Variants in PFDN1 observed in about 807,000 individuals in gnomAD.
The protein encoded by PFDN1 is prefoldin 1.
In PFDN1, 6 loss-of-function variants were observed where a neutral mutation model predicts 17.3. The observed-to-expected ratio is 0.35, with a 90% CI of 0.19 to 0.69. The LOEUF (loss-of-function observed/expected upper bound fraction) is 0.69. PFDN1 is among the 30% of genes least tolerant of loss of function. The pLI is 0.65. For synonymous variants in PFDN1, 58 were observed against 50.1 expected, an observed-to-expected ratio of 1.16 and a Z score of -0.67; for missense variants, 113 against 146.2, an observed-to-expected ratio of 0.77 and a Z score of 1.17.
chr5:140,293,635 C>G (rs903579182), intron 2 of PFDN1, among the ~76,000 whole-genome samples: 6 of 151,974 alleles, frequency 3.9e-5, no homozygotes, highest in African/African-American at 1.4e-4. Flanking sequence ...GCAGAAGAAA[C>G]AGGACTATGT....
At chr5:140,264,250 C>T (rs933615372) in intron 3 of PFDN1, among the ~76,000 whole-genome samples, 1 of 151,908 alleles carries the variant, frequency 6.6e-6, no homozygotes, top group African/African-American at 2.4e-5. Flanking sequence ...CACCTCCCAC[C>T]AGACCCCACC....
chr5:140,256,233 G>A (rs114729940), intron 3 of PFDN1, among the ~76,000 whole-genome samples: 6 of 151,996 alleles, frequency 3.9e-5, no homozygotes, highest in South Asian at 4.2e-4. Flanking sequence ...CTCTCATCTC[G>A]GCCAGGTGTG....
chr5:140,299,007 T>C (rs1765695395), intron 2 of PFDN1, among the ~76,000 whole-genome samples: 1 of 152,142 alleles, frequency 6.6e-6, no homozygotes, highest in East Asian at 1.9e-4. Flanking sequence ...CACCTTGGCC[T>C]CCTGCAGTGC....
intron 3 of PFDN1, among the ~76,000 whole-genome samples, chr5:140,272,920 A>T (rs755043173): frequency 6.6e-6 from 1 of 152,224 alleles, no homozygotes; most frequent in Non-Finnish European, 1.5e-5. Flanking sequence ...TTAATGGATT[A>T]TAAACTTAGA....
intron 3 of PFDN1, among the ~76,000 whole-genome samples, chr5:140,255,326 C>T (rs1581082096): frequency 1.3e-5 from 2 of 152,190 alleles, no homozygotes; most frequent in East Asian, 1.9e-4. Context: ...AAATACAACC[C>T]TGCACTTTGG....
In PFDN1 at chr5:140,252,229, G is replaced by C. The variant is rs1010066989; in HGVS notation, c.286-6172C>G. On this transcript the variant is annotated intron_variant, in intron 3 of 3. Transcript: ENST00000261813. ...AGGTTAAATGGAGCTCAGAGGAGAG[G>C]GGAGACATACTATGGATGTATACGG... 2.0e-5 allele frequency among the ~76,000 whole-genome samples: 3 copies of C among 152,094 alleles called. No homozygotes were observed. The East Asian group carries it at 5.8e-4, about 29-fold the overall frequency.
chr5:140,274,752 G>A (rs113082851), intron 3 of PFDN1, among the ~76,000 whole-genome samples: 17 of 152,336 alleles, frequency 1.1e-4, no homozygotes, highest in African/African-American at 3.6e-4. Context: ...GCTCACGCTT[G>A]TAATCCTAGC....
In PFDN1 at chr5:140,281,551, G is replaced by A; in HGVS notation, c.201-18C>T. 2 of 1,362,922 alleles carry A rather than the reference G, an allele frequency of 1.5e-6. No individual in the cohort carries two copies. Among genetic ancestry groups the A allele is most frequent in the Non-Finnish European group, 2.1e-6 (2 of 953,594 alleles). The allele number at this position is 1,362,922 out of a possible 1,614,324, so 84.4% of individuals were successfully genotyped here. A position where few individuals can be genotyped will look rare whatever the true frequency, so the allele number is the denominator to read the frequency against. ...GAATAAACCTATGAAACACAAGAAA[G>A]TTGAAAATTAAGCCACATGACTATT... On this transcript the variant is annotated intron_variant, in intron 2 of 3. Coordinates refer to ENST00000261813, the MANE Select transcript of PFDN1 (RefSeq NM_002622.5).
At chr5:140,294,160 G>A (rs1305641451) in intron 2 of PFDN1, among the ~76,000 whole-genome samples, 3 of 151,972 alleles carry the variant, frequency 2.0e-5, no homozygotes, top group Non-Finnish European at 1.5e-5. Context: ...TTTGCAATGT[G>A]ACTCTCACAC....
chr5:140,263,094 C>A (rs188716637), intron 3 of PFDN1, among the ~76,000 whole-genome samples: 12 of 152,326 alleles, frequency 7.9e-5, no homozygotes, highest in Admixed American at 7.8e-4. Flanking sequence ...TTATCCTCAC[C>A]TCCAGCTTTA....
At chr5:140,278,557 C>CAAAAAAAAAAAAAAAAAAAA (rs113129230) in intron 3 of PFDN1, among the ~76,000 whole-genome samples, 19 of 79,014 alleles carry the variant, frequency 2.4e-4, no homozygotes, top group East Asian at 4.8e-4. Context: ...GACTCTGTCT[C>CAAAAAAAAAAAAAAAAAAAA]AAAAAAAAAA....
At chr5:140,289,112 C>T (rs551019622) in intron 2 of PFDN1, among the ~76,000 whole-genome samples, 15 of 152,144 alleles carry the variant, frequency 9.9e-5, no homozygotes, top group African/African-American at 3.6e-4. Flanking sequence ...ATGACAAACT[C>T]CCATCTATAC....
rs550593500 is a variant in PFDN1, at chr5:140,270,865, G to A, written c.285+10584C>T. The stretch of plus-strand genomic sequence containing the variant: ...GGTGTGAACCTGGGAGGTGGAGCTT[G>A]CAGTGAGCCAAGATTGCGCCACTGC... On this transcript the variant is annotated intron_variant, in intron 3 of 3. Transcript: ENST00000261813. Among the ~76,000 whole-genome samples, 138 of 152,210 alleles carry A rather than the reference G, an allele frequency of 9.1e-4. 1 individual carries two copies. Among genetic ancestry groups the A allele is most frequent in the Admixed American group, 6.3e-3 (96 of 15,284 alleles).
At chr5:140,276,737 C>T (rs1581091055) in intron 3 of PFDN1, among the ~76,000 whole-genome samples, 2 of 132,158 alleles carry the variant, frequency 1.5e-5, no homozygotes, top group South Asian at 4.9e-4. Context: ...GCCAAGATAG[C>T]GCCACTGCAC....
chr5:140,270,653 C>T (rs113813498), intron 3 of PFDN1, among the ~76,000 whole-genome samples: 21 of 152,248 alleles, frequency 1.4e-4, no homozygotes, highest in Admixed American at 2.0e-4. Context: ...GGGCCAGGCA[C>T]GATGGCTTAT....
chr5:140,297,344 C>T (rs1169626830), intron 2 of PFDN1, among the ~76,000 whole-genome samples: 2 of 152,166 alleles, frequency 1.3e-5, no homozygotes, highest in East Asian at 1.9e-4. Flanking sequence ...AATTACTCGA[C>T]TATAAATTCA....
chr5:140,295,639 A>G (rs1191879841), intron 2 of PFDN1, among the ~76,000 whole-genome samples: 1 of 152,220 alleles, frequency 6.6e-6, no homozygotes, highest in Non-Finnish European at 1.5e-5. Flanking sequence ...GCAACACGCC[A>G]AAAGACTGGA....
intron 2 of PFDN1, among the ~76,000 whole-genome samples, chr5:140,291,758 C>A (rs1157517869): frequency 2.6e-5 from 4 of 151,922 alleles, no homozygotes; most frequent in Non-Finnish European, 4.4e-5. Flanking sequence ...GTAAAGGAAG[C>A]TGAAAAGGAA....
Position 140,281,385 on chromosome 5 carries a change from A to T in PFDN1, c.285+64T>A, listed in dbSNP as rs1765395866. 4 of 731,870 alleles carry T rather than the reference A, an allele frequency of 5.5e-6. No individual in the cohort carries two copies. The East Asian group carries it at 1.0e-4, about 19-fold the overall frequency. 45.3% of individuals were successfully genotyped at this position (731,870 alleles called of 1,614,324 possible). ...GCAGGCAGGCATACATTTTCATTTA[A>T]TATGACACAATAAGATTACTACTTT... is the stretch of plus-strand genomic sequence containing the variant. On this transcript the variant is annotated intron_variant, in intron 3 of 3. Coordinates refer to ENST00000261813, the MANE Select transcript of PFDN1 (RefSeq NM_002622.5).
Sources: gnomAD v4.1 joint callset for allele counts (sites outside exome capture counted in the v4.1 genomes callset) on GRCh38, gnomAD v4.1.1 for gene constraint, MANE v1.5 for transcripts, NCBI Gene and HGNC (gene_info 2026-07-23, HGNC 2026-07-21) for gene names.